CNBD1: variants seen among roughly 807,000 people sequenced by gnomAD.
The protein encoded by CNBD1 is cyclic nucleotide-binding domain-containing protein 1.
CNBD1 carries 71 observed loss-of-function variants against 54.4 expected under a neutral mutation model. The observed-to-expected ratio is 1.30, with a 90% CI of 1.08 to 1.59. The LOEUF is 1.59. CNBD1 is among the 40% of genes most tolerant of loss of function. The probability of loss-of-function intolerance (pLI) is 0.00; values close to 1 mark genes in which losing one functional copy is unlikely to be tolerated. For missense variants in CNBD1, 659 were observed against 518.0 expected (o/e 1.27, Z -2.64); for synonymous variants, 182 against 170.7 (o/e 1.07, Z -0.51).
chr8:87,271,106 C>T (rs537601022), intron 6 of CNBD1, among the ~76,000 whole-genome samples: 1 of 151,724 alleles, frequency 6.6e-6, no homozygotes, highest in Non-Finnish European at 1.5e-5. Context: ...TCTCTGTGAT[C>T]TCAGTTGTTA....
At chr8:87,360,633 C>A (rs528885906) in intron 10 of CNBD1, among the ~76,000 whole-genome samples, 1 of 151,980 alleles carries the variant, frequency 6.6e-6, no homozygotes. Flanking sequence ...ACCATTAGAA[C>A]AAGTGTACTA....
intron 6 of CNBD1, among the ~76,000 whole-genome samples, chr8:87,251,447 G>T (rs977495917): frequency 3.0e-4 from 45 of 152,092 alleles, no homozygotes; most frequent in African/African-American, 1.0e-3. Flanking sequence ...AATTAGCTGG[G>T]CATGGTGGCC....
At chr8:86,947,314 A>G (rs1438036890) in intron 4 of CNBD1, among the ~76,000 whole-genome samples, 1 of 152,148 alleles carries the variant, frequency 6.6e-6, no homozygotes, top group Non-Finnish European at 1.5e-5. Context: ...AGATGTCCTT[A>G]GTACGTTTGC....
At chr8:87,060,524 C>G (rs1810519431) in intron 4 of CNBD1, among the ~76,000 whole-genome samples, 1 of 152,224 alleles carries the variant, frequency 6.6e-6, no homozygotes, top group Non-Finnish European at 1.5e-5. Context: ...CTATTTACTC[C>G]TTTTCTCCAT....
At chr8:87,335,848 T>G (rs1011420464) in intron 8 of CNBD1, among the ~76,000 whole-genome samples, 18 of 152,196 alleles carry the variant, frequency 1.2e-4, no homozygotes, top group African/African-American at 4.1e-4. Flanking sequence ...GGTACTGGTT[T>G]TTCCTTTCCA....
At position 87,269,222 on chromosome 8, in the gene CNBD1, G is replaced by C. The variant is rs368217757; in HGVS notation, c.772-15456G>C. 6.6e-5 allele frequency among the ~76,000 whole-genome samples: 10 copies of C among 152,056 alleles called. 1 individual carries two copies. The East Asian group carries it at 9.7e-4, about 15-fold the overall frequency. ...TGTTATTGTCAACTCTGTTAAGGATGGTGGCTGTAGGTATATGGCTTTATT... is the reference window on the plus strand; with the variant it reads ...TGTTATTGTCAACTCTGTTAAGGATCGTGGCTGTAGGTATATGGCTTTATT... On this transcript the variant is annotated intron_variant, in intron 6 of 10. Coordinates refer to ENST00000518476, the MANE Select transcript of CNBD1 (RefSeq NM_173538.3).
At chr8:87,390,648 A>G (rs1003629105) in intron 2 of CNBD1, among the ~76,000 whole-genome samples, 20 of 152,090 alleles carry the variant, frequency 1.3e-4, no homozygotes, top group African/African-American at 9.7e-5. Flanking sequence ...TGGTGGGACT[A>G]TAAACTAGTT....
chr8:86,884,170 A>C (rs1563809947), intron 1 of CNBD1, among the ~76,000 whole-genome samples: 2 of 148,380 alleles, frequency 1.3e-5, no homozygotes, highest in African/African-American at 5.1e-5. Flanking sequence ...ACAAAACAAA[A>C]CAAAACAAAA....
chr8:87,269,854 C>A (rs1274262102), intron 6 of CNBD1, among the ~76,000 whole-genome samples: 2 of 151,936 alleles, frequency 1.3e-5, no homozygotes, highest in Non-Finnish European at 1.5e-5. Context: ...GAGCTAGTAC[C>A]ATTCCTAGTG....
At chr8:87,060,058 GT>G in intron 4 of CNBD1, among the ~76,000 whole-genome samples, 1 of 152,336 alleles carries the variant, frequency 6.6e-6, no homozygotes, top group South Asian at 2.1e-4. Context: ...TTCCTGGGAA[GT>G]TGCCCAGCCC....
At chr8:87,361,595 A>G (rs1488862356) in intron 10 of CNBD1, among the ~76,000 whole-genome samples, 2 of 151,580 alleles carry the variant, frequency 1.3e-5, no homozygotes, top group Non-Finnish European at 2.9e-5. Flanking sequence ...AATTTACTCC[A>G]GTTATAGGAA....
Position 86,956,224 on chromosome 8 carries a change from G to A in CNBD1, c.431+16470G>A, listed in dbSNP as rs575990004. On this transcript the variant is annotated intron_variant, in intron 4 of 10. Transcript: ENST00000518476. ...TTGGTACCAGTACCATGCTGTTTTG[G>A]TTACTGTAGCCTTGTAGTATAGTTT... is the stretch of plus-strand genomic sequence containing the variant. Among the ~76,000 whole-genome samples, 579 of 152,154 alleles carry A rather than the reference G, an allele frequency of 3.8e-3. 4 individuals carry two copies. The highest frequency in any genetic ancestry group is 0.013 in the African/African-American group (542 of 41,504).
chr8:86,974,792 T>C lies in CNBD1; in HGVS notation c.431+35038T>C, dbSNP rs572925480. On this transcript the variant is annotated intron_variant, in intron 4 of 10. Transcript: ENST00000518476. ...AAATTTCTTGGAAATGTTCTATTCT[T>C]AAGCTGGATAATGTATGTTTATGTT... Among the ~76,000 whole-genome samples the C allele has an allele frequency of 1.2e-3, 179 of 152,174 alleles. 1 individual carries two copies. Among genetic ancestry groups the C allele is most frequent in the Non-Finnish European group, 1.7e-3 (117 of 67,898 alleles).
intron 4 of CNBD1, among the ~76,000 whole-genome samples, chr8:87,071,441 A>G (rs888988134): frequency 1.2e-4 from 19 of 152,172 alleles, no homozygotes; most frequent in Non-Finnish European, 4.4e-5. Flanking sequence ...GTTTTCTGGT[A>G]AAAGTCAAAC....
chr8:87,301,984 A>T (rs1230577270), intron 8 of CNBD1, among the ~76,000 whole-genome samples: 1 of 152,166 alleles, frequency 6.6e-6, no homozygotes. Context: ...TCTGAAATTG[A>T]GGCAGTAATT....
chr8:87,207,933 T>A (rs1246012461), intron 5 of CNBD1, among the ~76,000 whole-genome samples: 1 of 152,200 alleles, frequency 6.6e-6, no homozygotes, highest in Non-Finnish European at 1.5e-5. Flanking sequence ...CAGATCTGTT[T>A]CACTACCAAA....
chr8:86,945,494 C>G (rs1233995885), intron 4 of CNBD1, among the ~76,000 whole-genome samples: 1 of 152,106 alleles, frequency 6.6e-6, no homozygotes, highest in Non-Finnish European at 1.5e-5. Context: ...TGAAATGGCA[C>G]ATAAGATGGG....
intron 10 of CNBD1, among the ~76,000 whole-genome samples, chr8:87,357,838 G>A (rs1460107054): frequency 6.6e-6 from 1 of 152,060 alleles, no homozygotes; most frequent in African/African-American, 2.4e-5. Context: ...CAGGTTGAAG[G>A]GTGATCCTCA....
chr8:87,371,787 AC>A (rs1473981943), intron 10 of CNBD1, among the ~76,000 whole-genome samples: 2 of 151,828 alleles, frequency 1.3e-5, no homozygotes, highest in Non-Finnish European at 1.5e-5. Flanking sequence ...AAATTCAACA[AC>A]CCTTCATGCT....
Sources: allele counts gnomAD v4.1 joint callset (sites outside exome capture counted in the v4.1 genomes callset), GRCh38; gene constraint gnomAD v4.1.1; transcripts MANE v1.5; gene names NCBI Gene and HGNC (gene_info 2026-07-23, HGNC 2026-07-21).